HIVEP3: variants seen among roughly 807,000 people sequenced by gnomAD.
The protein encoded by HIVEP3 is HIVEP zinc finger 3.
HIVEP3 carries 49 observed loss-of-function variants against 152.8 expected under a neutral mutation model. The observed-to-expected ratio is 0.32, with a 90% CI of 0.26 to 0.41. The LOEUF (loss-of-function observed/expected upper bound fraction) is 0.41, where lower values mean the gene tolerates loss of function less well. HIVEP3 is among the 10% of genes least tolerant of loss of function. HIVEP3 has a pLI of 1.00. For synonymous variants in HIVEP3, 1,269 were observed against 1,289.0 expected (o/e 0.98, Z 0.33); for missense variants, 2,790 against 3,103.3 (o/e 0.90, Z 2.40).
intron 1 of HIVEP3, among the ~76,000 whole-genome samples, chr1:41,909,490 G>C (rs927832523): frequency 5.9e-5 from 9 of 152,154 alleles, no homozygotes; most frequent in Admixed American, 5.9e-4. Context: ...AACACAAACT[G>C]ACAGACCATA....
At chr1:41,688,250 C>T (rs1042464841) in intron 2 of HIVEP3, among the ~76,000 whole-genome samples, 2 of 152,216 alleles carry the variant, frequency 1.3e-5, no homozygotes, top group South Asian at 4.1e-4. Flanking sequence ...CTCCTCTGGC[C>T]CCTCTGGGTG....
chr1:41,680,397 G>C (rs1461984371), intron 2 of HIVEP3, among the ~76,000 whole-genome samples: 1 of 152,174 alleles, frequency 6.6e-6, no homozygotes, highest in African/African-American at 2.4e-5. Flanking sequence ...GGAAGGATTG[G>C]GGGCAGTAAG....
intron 1 of HIVEP3, among the ~76,000 whole-genome samples, chr1:42,032,052 T>C (rs1645616044): frequency 6.6e-6 from 1 of 152,192 alleles, no homozygotes; most frequent in South Asian, 2.1e-4. Flanking sequence ...TGACATGCAC[T>C]GGCTCTCCAG....
intron 1 of HIVEP3, among the ~76,000 whole-genome samples, chr1:41,887,133 TAGAAAAATTACAA>T (rs2124434901): frequency 1.3e-5 from 2 of 152,312 alleles, no homozygotes; most frequent in African/African-American, 4.8e-5. Context: ...AACCTCCCTT[TAGAAAAATTACAA>T]AATCACTATC....
intron 1 of HIVEP3, among the ~76,000 whole-genome samples, chr1:41,881,148 AT>A (rs1644254706): frequency 6.6e-6 from 1 of 152,224 alleles, no homozygotes; most frequent in Non-Finnish European, 1.5e-5. Context: ...GTGCTGATAG[AT>A]TAGACAATAG....
intron 3 of HIVEP3, among the ~76,000 whole-genome samples, chr1:41,612,837 T>C (rs1162166755): frequency 6.6e-6 from 1 of 152,224 alleles, no homozygotes; most frequent in Non-Finnish European, 1.5e-5. Context: ...CCCTTCATCT[T>C]TGCATGGAAG....
intron 2 of HIVEP3, among the ~76,000 whole-genome samples, chr1:41,681,598 A>G (rs548842444): frequency 1.3e-5 from 2 of 152,238 alleles, no homozygotes; most frequent in East Asian, 1.9e-4. Context: ...CTTGCACCAC[A>G]TTCTTTCACA....
At chr1:41,567,151 C>T (rs553861452) in intron 5 of HIVEP3, among the ~76,000 whole-genome samples, 1 of 152,320 alleles carries the variant, frequency 6.6e-6, no homozygotes, top group South Asian at 2.1e-4. Flanking sequence ...CTTCTCACCC[C>T]ATAAAGGGCA....
rs577819175 is a variant in HIVEP3 at position 41,609,739 on chromosome 1, G to A, written c.-522+19010C>T. ...GAGCTGGAGAATTCTCAGAACACAC[G>A]CCGTTCCCAATGGCTGAAATGCCCT... On this transcript the variant is annotated intron_variant, in intron 3 of 8. Coordinates refer to ENST00000372583, the MANE Select transcript of HIVEP3 (RefSeq NM_024503.5). Among the ~76,000 whole-genome samples the A allele has an allele frequency of 1.4e-4, 21 of 152,316 alleles. No individual in the cohort carries two copies. In the East Asian group the frequency reaches 3.3e-3, roughly 24 times the overall value.
chr1:41,545,241 ACC>A (rs1643724932), intron 5 of HIVEP3, among the ~76,000 whole-genome samples: 1 of 141,430 alleles, frequency 7.1e-6, no homozygotes, highest in Admixed American at 6.9e-5. Context: ...CATCACCACC[ACC>A]ACCAATACCA....
At chr1:41,724,989 C>A (rs1219821115) in intron 1 of HIVEP3, among the ~76,000 whole-genome samples, 1 of 152,208 alleles carries the variant, frequency 6.6e-6, no homozygotes, top group Non-Finnish European at 1.5e-5. Flanking sequence ...CACCCACAAT[C>A]CCACACCAAC....
upstream of HIVEP3, among the ~76,000 whole-genome samples, chr1:41,923,490 G>A (rs182122493): frequency 1.2e-3 from 183 of 152,218 alleles, 1 homozygote; most frequent in African/African-American, 4.1e-3. Context: ...TGGAGGAGGT[G>A]GCGGGGGGAA....
chr1:42,023,755 G>C (rs947026404), intron 1 of HIVEP3, among the ~76,000 whole-genome samples: 3 of 152,124 alleles, frequency 2.0e-5, no homozygotes, highest in Admixed American at 6.6e-5. Flanking sequence ...AAACTGAGCC[G>C]ATGCCAGCAT....
At chr1:41,705,754 C>T (rs1646423844) in intron 1 of HIVEP3, among the ~76,000 whole-genome samples, 2 of 152,190 alleles carry the variant, frequency 1.3e-5, no homozygotes, top group South Asian at 2.1e-4. Context: ...CAAATATCCA[C>T]ACTTCTGGGT....
chr1:41,526,644 C>CACCCTCCACACACACCCTCACA (rs143513765), intron 5 of HIVEP3, among the ~76,000 whole-genome samples: 1 of 47,950 alleles, frequency 2.1e-5, no homozygotes, highest in Non-Finnish European at 4.8e-5. Context: ...CACCCTCACA[C>CACCCTCCACACACACCCTCACA]CCCCACACTC....
At chr1:41,959,112 C>T (rs1457318318) in intron 1 of HIVEP3, among the ~76,000 whole-genome samples, 1 of 152,118 alleles carries the variant, frequency 6.6e-6, no homozygotes, top group African/African-American at 2.4e-5. Flanking sequence ...CCCACAGGCC[C>T]AACAGCAGGA....
chr1:41,902,562 C>T (rs1454347036), intron 1 of HIVEP3, among the ~76,000 whole-genome samples: 2 of 152,196 alleles, frequency 1.3e-5, no homozygotes, highest in African/African-American at 4.8e-5. Flanking sequence ...AACTCCCAGC[C>T]ACTCCAACTC....
chr1:41,970,486 G>A (rs959621224), intron 1 of HIVEP3, among the ~76,000 whole-genome samples: 4 of 152,182 alleles, frequency 2.6e-5, no homozygotes, highest in Admixed American at 6.5e-5. Flanking sequence ...GCTGAACAAT[G>A]TGAACACATA....
chr1:41,939,097 C>G (rs1233770083), intron 1 of HIVEP3, among the ~76,000 whole-genome samples: 1 of 152,142 alleles, frequency 6.6e-6, no homozygotes, highest in African/African-American at 2.4e-5. Flanking sequence ...AGATGATAGC[C>G]TCTAATTATT....
Sources: gnomAD v4.1 joint callset for allele counts (sites outside exome capture counted in the v4.1 genomes callset) on GRCh38, gnomAD v4.1.1 for gene constraint, MANE v1.5 for transcripts, NCBI Gene and HGNC (gene_info 2026-07-23, HGNC 2026-07-21) for gene names.